Variants in FARP1 observed in about 807,000 individuals in gnomAD.
The protein encoded by FARP1 is FERM, ARH/RhoGEF and pleckstrin domain protein 1.
Under a neutral mutation model 128.8 loss-of-function variants are expected in FARP1, and 52 were observed. The observed-to-expected ratio is 0.40, with a 90% confidence interval of 0.32 to 0.51. The LOEUF (loss-of-function observed/expected upper bound fraction) is 0.51. FARP1 is among the 20% of genes least tolerant of loss of function. The probability of loss-of-function intolerance (pLI) is 0.45; values close to 1 mark genes in which losing one functional copy is unlikely to be tolerated. For synonymous variants in FARP1, 580 were observed against 551.8 expected (o/e 1.05, Z -0.72); for missense variants, 1,333 against 1,367.9 (o/e 0.97, Z 0.40).
chr13:98,286,503 T>C (rs1299451227), intron 2 of FARP1, among the ~76,000 whole-genome samples: 1 of 152,102 alleles, frequency 6.6e-6, no homozygotes, highest in Non-Finnish European at 1.5e-5. Flanking sequence ...TATAAGGGGG[T>C]TCTGCTTTTG....
chr13:98,197,646 T>G (rs190787154), intron 1 of FARP1, among the ~76,000 whole-genome samples: 1,687 of 151,908 alleles, frequency 0.011, 28 homozygotes, highest in African/African-American at 0.039. Flanking sequence ...CCTTAATTTT[T>G]TTTTTTGAGA....
intron 1 of FARP1, among the ~76,000 whole-genome samples, chr13:98,212,087 C>T (rs756545227): frequency 9.8e-5 from 15 of 152,332 alleles, no homozygotes; most frequent in South Asian, 2.1e-4. Context: ...TGGAGTTTCA[C>T]GCTTGTCCCC....
chr13:98,371,891 T>C (rs758712378), intron 5 of FARP1, among the ~76,000 whole-genome samples: 10 of 152,082 alleles, frequency 6.6e-5, no homozygotes, highest in Admixed American at 2.0e-4. Context: ...CCCATTGATA[T>C]AGATAGGAGA....
rs1248060061 is a variant in FARP1 at position 98,450,184 on chromosome 13, A to T, written c.*1867A>T. 6.6e-6 allele frequency: 1 copy of T among 152,014 alleles called. No individual in the cohort carries two copies. Among genetic ancestry groups the T allele is most frequent in the Non-Finnish European group, 1.5e-5 (1 of 68,012 alleles). The allele number at this position is 152,014 out of a possible 1,614,324, so 9.4% of individuals were successfully genotyped here. A position where few individuals can be genotyped will look rare whatever the true frequency, so the allele number is the denominator to read the frequency against. ...GTTTGAGACACACTACACATGAGAC[A>T]CACAATGATGCAGATACTCGTTTTC... On this transcript the variant is annotated 3_prime_UTR_variant, in exon 27 of 27. Coordinates refer to ENST00000319562, the MANE Select transcript of FARP1 (RefSeq NM_005766.4).
Position 98,269,460 on chromosome 13 carries a change from T to G in FARP1, c.171+56047T>G, listed in dbSNP as rs139221511. ...ATGATTCTAGTTACTAGTGCTTACA[T>G]TCGTGTACTGTGTTCTAAGCCATTT... is the stretch of plus-strand genomic sequence containing the variant. On this transcript the variant is annotated intron_variant, in intron 2 of 26. Coordinates refer to ENST00000319562, the MANE Select transcript of FARP1 (RefSeq NM_005766.4). Among the ~76,000 whole-genome samples the G allele has an allele frequency of 1.8e-4, 28 of 152,350 alleles. 1 individual carries two copies. In the East Asian group the frequency reaches 5.4e-3, roughly 29 times the overall value.
At position 98,376,226 on chromosome 13, in the gene FARP1, T is replaced by C. The variant is rs138957933; in HGVS notation, c.399-1595T>C. On this transcript the variant is annotated intron_variant, in intron 5 of 26. Transcript: ENST00000319562. ...AGTTGTGCTATCAAATATTAGATCT[T>C]ATTCATTCTATCTCATTTTTTTGGA... is the stretch of plus-strand genomic sequence containing the variant. Among the ~76,000 whole-genome samples, 18 of 152,296 alleles carry C rather than the reference T, an allele frequency of 1.2e-4. No homozygotes were observed. In the East Asian group the frequency reaches 3.5e-3, roughly 29 times the overall value.
chr13:98,324,802 C>T (rs963243184), intron 2 of FARP1, among the ~76,000 whole-genome samples: 1 of 152,212 alleles, frequency 6.6e-6, no homozygotes, highest in East Asian at 1.9e-4. Flanking sequence ...AGCTGAAGCC[C>T]CCATTCCAGG....
rs117173412 is a variant in FARP1, at chr13:98,173,764, G to A, written c.-24+30272G>A. ...GGAAAGATAGGGGTTGGGGTGTGAT[G>A]TGGTGGGACCTGGTCCAGACAGGAT... On this transcript the variant is annotated intron_variant, in intron 1 of 26. Transcript: ENST00000319562. Among the ~76,000 whole-genome samples, 84 of 152,336 alleles carry A rather than the reference G, an allele frequency of 5.5e-4. No homozygotes were observed. The East Asian group carries it at 0.015, about 28-fold the overall frequency.
At chr13:98,221,809 T>C (rs1881428656) in intron 2 of FARP1, among the ~76,000 whole-genome samples, 1 of 152,166 alleles carries the variant, frequency 6.6e-6, no homozygotes, top group African/African-American at 2.4e-5. Flanking sequence ...CAAGATCCTC[T>C]AGGGTAGGTC....
At chr13:98,333,974 A>G (rs1010682042) in intron 2 of FARP1, 6 of 151,944 alleles carry the variant, frequency 3.9e-5, no homozygotes, top group African/African-American at 1.5e-4. Context: ...CCACATCATC[A>G]TCATCATCCC....
intron 1 of FARP1, chr13:98,177,214 C>A: frequency 6.4e-7 from 1 of 1,566,840 alleles, no homozygotes; most frequent in Non-Finnish European, 8.6e-7. Context: ...GGCCGTCCTT[C>A]CTGGAGAAGG....
rs571954462 is a variant in FARP1 at position 98,233,717 on chromosome 13, A to T, written c.171+20304A>T. The T allele has an allele frequency of 1.8e-3, 275 of 152,316 alleles. 4 individuals are homozygous for T. The highest frequency in any genetic ancestry group is 6.5e-3 in the African/African-American group (269 of 41,568). The allele number at this position is 152,316 out of a possible 1,614,324, so 9.4% of individuals were successfully genotyped here. A position where few individuals can be genotyped will look rare whatever the true frequency, so the allele number is the denominator to read the frequency against. On this transcript the variant is annotated intron_variant, in intron 2 of 26. Coordinates refer to ENST00000319562, the MANE Select transcript of FARP1 (RefSeq NM_005766.4). ...GTGTGAGTTCCTAAGGAGCATTTTC[A>T]CTTCCTTTCAAACTTAAAAAATTGT...
intron 19 of FARP1, chr13:98,437,864 G>C (rs767180923): frequency 6.3e-7 from 1 of 1,587,606 alleles, no homozygotes; most frequent in South Asian, 1.1e-5. Context: ...TAAAGGTGAA[G>C]ATGGAATTGG....
intron 2 of FARP1, among the ~76,000 whole-genome samples, chr13:98,259,411 A>G (rs1314080513): frequency 6.6e-6 from 1 of 151,714 alleles, no homozygotes; most frequent in Non-Finnish European, 1.5e-5. Context: ...AGCCTTAGAA[A>G]TGTCCTTAGG....
chr13:98,353,929 C>G (rs1464696486), intron 3 of FARP1, among the ~76,000 whole-genome samples: 1 of 152,018 alleles, frequency 6.6e-6, no homozygotes, highest in South Asian at 2.1e-4. Flanking sequence ...ATGAGTCATT[C>G]GAAGCTAATG....
chr13:98,330,637 C>A (rs1887466859), intron 2 of FARP1, among the ~76,000 whole-genome samples: 1 of 151,990 alleles, frequency 6.6e-6, no homozygotes, highest in South Asian at 2.1e-4. Flanking sequence ...CGCCTGTAAT[C>A]CCAGCTACTC....
chr13:98,267,592 T>C (rs1168826143), intron 2 of FARP1, among the ~76,000 whole-genome samples: 2 of 152,168 alleles, frequency 1.3e-5, no homozygotes, highest in African/African-American at 2.4e-5. Flanking sequence ...TTGGAAAATG[T>C]TCCAGCCCCG....
chr13:98,226,021 TC>T (rs2139382401), intron 2 of FARP1, among the ~76,000 whole-genome samples: 1 of 152,372 alleles, frequency 6.6e-6, no homozygotes, highest in Non-Finnish European at 1.5e-5. Flanking sequence ...TCCAGGCTAA[TC>T]CATTCCTTAA....
chr13:98,272,606 C>G (rs1371833423), intron 2 of FARP1, among the ~76,000 whole-genome samples: 4 of 152,066 alleles, frequency 2.6e-5, no homozygotes, highest in Non-Finnish European at 5.9e-5. Flanking sequence ...GCAGTTTTGC[C>G]AGCTCTAAAA....
Sources: gnomAD v4.1 joint callset for allele counts (sites outside exome capture counted in the v4.1 genomes callset) on GRCh38, gnomAD v4.1.1 for gene constraint, MANE v1.5 for transcripts, NCBI Gene and HGNC (gene_info 2026-07-23, HGNC 2026-07-21) for gene names.